The following TTN variants were observed in gnomAD, a reference collection of about 807,000 sequenced individuals.
TTN encodes the protein connectin.
A neutral mutation model predicts 3,223.0 loss-of-function variants in TTN; 1,525 were observed. The ratio of observed to expected loss-of-function variants is 0.47; its 90% CI spans 0.45 to 0.49. The LOEUF (loss-of-function observed/expected upper bound fraction) is 0.49. TTN is among the 20% of genes least tolerant of loss of function. The pLI, the probability that TTN is intolerant of heterozygous loss-of-function variation, is 0.00. For synonymous variants in TTN, 14,094 were observed against 15,161.0 expected (o/e 0.93, Z 5.17); for missense variants, 40,786 against 43,424.0 (o/e 0.94, Z 5.40).
chr2:178,553,856 A>T (rs377666163), intron 333 of TTN, 49 bp from the exon 334 acceptor site: 1 of 1,561,372 alleles, frequency 6.4e-7, no homozygotes, highest in Non-Finnish European at 8.7e-7. Context: ...TGTACAATTT[A>T]GTCACACAGG....
Position 178,792,216 on chromosome 2 carries a change from G to T in TTN, c.1537-19C>A, listed in dbSNP as rs1200726943. ...TTCTTATCTGCAAAGAATGATTTAAGAAAAAACTTTATTTCCTGATGCCCA... is the reference window on the plus strand; with the variant it reads ...TTCTTATCTGCAAAGAATGATTTAATAAAAAACTTTATTTCCTGATGCCCA... On this transcript the variant is annotated intron_variant, in intron 9 of 362. Coordinates refer to ENST00000589042, the MANE Select transcript of TTN (RefSeq NM_001267550.2). 1 of 1,594,792 alleles carries T rather than the reference G, an allele frequency of 6.3e-7. No individual in the cohort carries two copies. The highest frequency in any genetic ancestry group is 8.5e-7 in the Non-Finnish European group (1 of 1,174,294).
chr2:178,728,439 C>G, intron 66 of TTN, 42 bp from the exon 67 acceptor site: 2 of 1,579,746 alleles, frequency 1.3e-6, no homozygotes, highest in Non-Finnish European at 1.7e-6. Context: ...TAATCTCTTG[C>G]TATTTGTTTA....
chr2:178,530,899 G>A lies in TTN; in HGVS notation c.105716C>T (p.Pro35239Leu). Reference sequence around the variant, plus strand: ...AACTGCTTCTGGGGATTTCACCCGAGGCTCTGGGGATTTGACTCTTGGTGG... The same window carrying A: ...AACTGCTTCTGGGGATTTCACCCGAAGCTCTGGGGATTTGACTCTTGGTGG... ...TSPPRVKSPE[P>L]RVKSPEAVKS... is the part of the protein sequence containing the mutation. The change falls in exon 358 of 363, where the codon CCT becomes CTT. Residue 35239 changes from proline to leucine, a missense_variant. Physicochemically the swap from Pro to Leu is moderately conservative, Grantham distance 98. Transcript: ENST00000589042. 6.2e-7 allele frequency: 1 copy of A among 1,613,910 alleles called. No homozygotes were observed.
Position 178,715,028 on chromosome 2 carries a change from C to T in TTN, c.26158G>A (p.Asp8720Asn), listed in dbSNP as rs980079508. The change falls in exon 90 of 363, where the codon GAT becomes AAT. Residue 8720 changes from aspartate (D) to asparagine (N), a missense_variant. Asp to Asn is a conservative substitution (Grantham distance 23, BLOSUM62 1). Coordinates refer to ENST00000589042, the MANE Select transcript of TTN (RefSeq NM_001267550.2). ...IGEYQCKATN[D>N]VGSDTCVGSI... ...CCAACGCAAGTGTCGCTTCCCACAT[C>T]ATTTGTGGCTTTACACTGATATTCC... The T allele has an allele frequency of 1.9e-6, 3 of 1,613,106 alleles. No homozygotes were observed. The highest frequency in any genetic ancestry group is 2.5e-6 in the Non-Finnish European group (3 of 1,179,302).
rs1280845808 is a variant in TTN, at chr2:178,559,330, C to A, written c.86802G>T (p.Lys28934Asn). Residue 28934 changes from lysine to asparagine, a missense_variant, in exon 326 of 363, where the codon AAG (lysine) becomes AAT (asparagine). Physicochemically the swap from Lys to Asn is moderately conservative, Grantham distance 94. Coordinates refer to ENST00000589042, the MANE Select transcript of TTN (RefSeq NM_001267550.2). Reference sequence around the variant, plus strand: ...ACATACCTGTTATTTTTACTCCTTCCTTTGTTTCAGCTGGTATACCAACAC... The same window carrying A: ...ACATACCTGTTATTTTTACTCCTTCATTTGTTTCAGCTGGTATACCAACAC... ...EFGVGIPAETKEGVKITEKPS... is the reference protein window; with the variant it reads ...EFGVGIPAETNEGVKITEKPS... The A allele has an allele frequency of 1.3e-6, 2 of 1,592,428 alleles. No individual in the cohort carries two copies. The highest frequency in any genetic ancestry group is 2.3e-5 in the South Asian group (2 of 87,380).
At chr2:178,685,085 TATATACAAACGTTA>T in intron 129 of TTN, 96 bp from the exon 130 acceptor site, 1 of 1,207,900 alleles carries the variant, frequency 8.3e-7, no homozygotes, top group Non-Finnish European at 1.2e-6. Context: ...AGATTGCACA[TATATACAAACGTTA>T]ATGACTATAC....
In TTN at chr2:178,561,056, A is replaced by G; in HGVS notation, c.85076T>C (p.Met28359Thr). The change falls in exon 326 of 363, where the codon ATG (methionine) becomes ACG (threonine). Residue 28359 changes from methionine (M) to threonine (T), a missense_variant. Physicochemically the swap from Met to Thr is moderately conservative, Grantham distance 81. Transcript: ENST00000589042. ...KDDVEPPRVM[M>T]DVKFRDVIVV... ...AATAACGTCTCGGAACTTGACATCCATCATAACTCTTGGAGGCTCAACATC... is the reference window on the plus strand; with the variant it reads ...AATAACGTCTCGGAACTTGACATCCGTCATAACTCTTGGAGGCTCAACATC... 1.9e-6 allele frequency: 3 copies of G among 1,613,888 alleles called. No homozygotes were observed. The highest frequency in any genetic ancestry group is 2.5e-6 in the Non-Finnish European group (3 of 1,179,816).
rs1221271558 is a variant in TTN, at chr2:178,582,583, C to T, written c.65873G>A (p.Gly21958Asp). The change falls in exon 314 of 363, where the codon GGT becomes GAT. Residue 21958 changes from glycine to aspartate, a missense_variant. By Grantham distance (94) the Gly-to-Asp change is moderately conservative (BLOSUM62 -1). Transcript: ENST00000589042. The stretch of plus-strand genomic sequence containing the variant: ...GTTGATTTTAACAGATGCTGGAGGA[C>T]CCGGTTTATCTGAAGGAATAAGGAA... ...TIKLKVLDKP[G>D]PPASVKINKM... 11 of 1,605,418 alleles carry T rather than the reference C, an allele frequency of 6.9e-6. No homozygotes were observed. In the East Asian group the frequency reaches 2.5e-4, roughly 36 times the overall value.
chr2:178,683,954 G>A, intron 133 of TTN, 45 bp downstream of exon 133: 4 of 1,431,294 alleles, frequency 2.8e-6, no homozygotes, highest in Non-Finnish European at 3.8e-6. Flanking sequence ...TTTAGTGTCT[G>A]GATGCTTATT....
chr2:178,797,608 C>T (rs376844499), intron 6 of TTN, among the ~76,000 whole-genome samples: 5 of 152,180 alleles, frequency 3.3e-5, no homozygotes, highest in African/African-American at 1.2e-4. Flanking sequence ...CCAGCATAAG[C>T]TTACGTAATT....
rs997630345 is a variant in TTN at position 178,589,625 on chromosome 2, A to T, written c.62100T>A (p.Asn20700Lys). Residue 20700 changes from asparagine (N) to lysine (K), a missense_variant, in exon 304 of 363, where the codon AAT (asparagine) becomes AAA (lysine). Coordinates refer to ENST00000589042, the MANE Select transcript of TTN (RefSeq NM_001267550.2). ...RRPDYDGGSP[N>K]LSYHVERRLK... ...GCCTTCTCTCAACATGATATGACAG[A>T]TTTGGACTGCCACCATCATAGTCAG... is the stretch of plus-strand genomic sequence containing the variant. 2 of 1,613,330 alleles carry T rather than the reference A, an allele frequency of 1.2e-6. No individual in the cohort carries two copies. The highest frequency in any genetic ancestry group is 1.7e-6 in the Non-Finnish European group (2 of 1,179,510).
intron 326 of TTN, chr2:178,559,034 TATAA>T: frequency 3.5e-6 from 1 of 285,164 alleles, no homozygotes; most frequent in Non-Finnish European, 6.5e-6. Flanking sequence ...TATATATATA[TATAA>T]ACATGTATAC....
intron 47 of TTN, chr2:178,747,163 C>A: frequency 6.2e-7 from 1 of 1,609,490 alleles, no homozygotes. Context: ...TCTCTAGAGT[C>A]TCTCCTGGGG....
chr2:178,731,610 A>G (rs776682486), intron 58 of TTN, 27 bp from the exon 59 acceptor site: 1 of 1,578,222 alleles, frequency 6.3e-7, no homozygotes, highest in African/African-American at 1.4e-5. Context: ...TTCTCAATCA[A>G]TATTATCCCT....
rs766264907 is a variant in TTN at position 178,702,459 on chromosome 2, T to G, written c.30428A>C (p.Asp10143Ala). 4.3e-6 allele frequency: 7 copies of G among 1,613,820 alleles called. No homozygotes were observed. The East Asian group carries it at 1.6e-4, about 36-fold the overall frequency. The change falls in exon 107 of 363, where the codon GAT becomes GCT. Residue 10143 changes from aspartate (D) to alanine (A), a missense_variant. Asp to Ala is a moderately radical substitution (Grantham distance 126, BLOSUM62 -2). Coordinates refer to ENST00000589042, the MANE Select transcript of TTN (RefSeq NM_001267550.2). Reference sequence around the variant, plus strand: ...AAAACTGTCAATGAAATCACCTTCATCGTCTGGGGTCACATTGTGGATGGT... The same window carrying G: ...AAAACTGTCAATGAAATCACCTTCAGCGTCTGGGGTCACATTGTGGATGGT... ...YMTIHNVTPDDEGVYSVIARL... is the reference protein window; with the variant it reads ...YMTIHNVTPDAEGVYSVIARL...
At chr2:178,557,216 T>C in intron 329 of TTN, 37 bp downstream of exon 329, 3 of 1,613,130 alleles carry the variant, frequency 1.9e-6, no homozygotes, top group Non-Finnish European at 2.5e-6. Flanking sequence ...TTTGCATTTT[T>C]GTTATCAGAA....
intron 112 of TTN, among the ~76,000 whole-genome samples, chr2:178,698,053 TA>T (rs2074037235): frequency 6.6e-6 from 1 of 152,240 alleles, no homozygotes; most frequent in Non-Finnish European, 1.5e-5. Flanking sequence ...AATGGAATAC[TA>T]TTCAGCCTTA....
rs765315826 is a variant in TTN, at chr2:178,620,955, C to T, written c.45655G>A (p.Val15219Met). 1 of 1,612,282 alleles carries T rather than the reference C, an allele frequency of 6.2e-7. No individual in the cohort carries two copies. ...AAGACAACTTCCTGTTGTTCCTTCA[C>T]CCGGGTGTCCTTAAGAGGAACTACG... ...RIVVPLKDTR[V>M]KEQQEVVFNC... Residue 15219 changes from valine to methionine, a missense_variant, in exon 247 of 363, where the codon GTG becomes ATG. Coordinates refer to ENST00000589042, the MANE Select transcript of TTN (RefSeq NM_001267550.2).
Position 178,531,723 on chromosome 2 carries a change from A to T in TTN, c.104892T>A (p.Asn34964Lys). Residue 34964 changes from asparagine (N) to lysine (K), a missense_variant, in exon 358 of 363, where the codon AAT becomes AAA. By Grantham distance (94) the Asn-to-Lys change is moderately conservative. Coordinates refer to ENST00000589042, the MANE Select transcript of TTN (RefSeq NM_001267550.2). ...PCGQNTRFIL[N>K]VQSKPTAEVK... is the part of the protein sequence containing the mutation. ...CCTCGGCAGTTGGCTTAGACTGAAC[A>T]TTTAAAATAAAACGTGTATTTTGGC... 6.2e-7 allele frequency: 1 copy of T among 1,613,982 alleles called. No individual in the cohort carries two copies. Among genetic ancestry groups the T allele is most frequent in the South Asian group, 1.1e-5 (1 of 91,086 alleles).
Sources: allele counts gnomAD v4.1 joint callset (sites outside exome capture counted in the v4.1 genomes callset), GRCh38; gene constraint gnomAD v4.1.1; transcripts MANE v1.5; gene names NCBI Gene and HGNC (gene_info 2026-07-23, HGNC 2026-07-21).